Variants in TNFRSF19 observed in about 807,000 individuals in gnomAD.
TNFRSF19 encodes tumor necrosis factor receptor superfamily member 19.
TNFRSF19 carries 27 observed loss-of-function variants against 46.4 expected under a neutral mutation model. The observed-to-expected ratio is 0.58, with a 90% confidence interval of 0.43 to 0.80. TNFRSF19 has a LOEUF of 0.80. Ranked by LOEUF, TNFRSF19 falls within the 30% of genes least tolerant of loss-of-function variation. The pLI is 0.00. For synonymous variants in TNFRSF19, 204 were observed against 205.0 expected (o/e 1.00, Z 0.04); for missense variants, 511 against 530.8 (o/e 0.96, Z 0.37).
rs141714394 is a variant in TNFRSF19 at position 23,669,075 on chromosome 13, C to T, written c.1223C>T (p.Pro408Leu). The change falls in exon 9 of 10, where the codon CCA becomes CTA. Residue 408 changes from proline to leucine, a missense_variant. By Grantham distance (98) the Pro-to-Leu change is moderately conservative. Around this residue, in one of 3 missense-constraint regions of TNFRSF19, gnomAD observed 376 missense variants for 372.7 expected, o/e 1.01. Transcript: ENST00000248484. ...CAGGAGAGTGGTGCTGTCATCCACC[C>T]AGCCACTCAGACGTCCCTCCAGGTA... ...LDQESGAVIH[P>L]ATQTSLQEA The T allele has an allele frequency of 1.5e-4, 248 of 1,614,106 alleles. No individual in the cohort carries two copies. The African/African-American group carries it at 2.9e-3, about 19-fold the overall frequency.
chr13:23,648,713 G>A (rs1027194833), intron 5 of TNFRSF19, among the ~76,000 whole-genome samples: 1 of 152,172 alleles, frequency 6.6e-6, no homozygotes, highest in Admixed American at 6.5e-5. Context: ...TGAATATGAT[G>A]TTAGCTGTGA....
chr13:23,638,768 C>T (rs1389754451), intron 5 of TNFRSF19, among the ~76,000 whole-genome samples: 3 of 152,178 alleles, frequency 2.0e-5, no homozygotes, highest in African/African-American at 7.2e-5. Context: ...CCCCGTGCCT[C>T]TGAACCATCC....
chr13:23,652,543 G>C (rs993737), intron 5 of TNFRSF19, among the ~76,000 whole-genome samples: 34,991 of 152,152 alleles, frequency 0.23, 4,807 homozygotes, highest in Non-Finnish European at 0.31. Context: ...TCATTCCAAG[G>C]ATGTGGTCAA....
chr13:23,581,445 C>A (rs1223977793), intron 1 of TNFRSF19, among the ~76,000 whole-genome samples: 1 of 150,568 alleles, frequency 6.6e-6, no homozygotes, highest in African/African-American at 2.4e-5. Flanking sequence ...CGCGCCCGGC[C>A]GTCGATGTGC....
At chr13:23,668,182 C>G in intron 8 of TNFRSF19, 100 bp downstream of exon 8, 1 of 1,080,012 alleles carries the variant, frequency 9.3e-7, no homozygotes, top group African/African-American at 1.6e-5. Context: ...AACATCACCT[C>G]TTAAATATTA....
intron 5 of TNFRSF19, among the ~76,000 whole-genome samples, chr13:23,646,023 T>C (rs781673632): frequency 6.6e-6 from 1 of 152,152 alleles, no homozygotes; most frequent in Non-Finnish European, 1.5e-5. Context: ...TCACAATCCA[T>C]CAGTGTATCC....
chr13:23,598,374 T>C (rs763780585), intron 3 of TNFRSF19, among the ~76,000 whole-genome samples: 2 of 152,128 alleles, frequency 1.3e-5, no homozygotes, highest in African/African-American at 2.4e-5. Flanking sequence ...TCCCAGAACT[T>C]ACAGTTATAT....
At chr13:23,593,621 T>C (rs1422135306) in intron 3 of TNFRSF19, among the ~76,000 whole-genome samples, 166 bp downstream of exon 3, 1 of 152,232 alleles carries the variant, frequency 6.6e-6, no homozygotes, top group Non-Finnish European at 1.5e-5. Context: ...TTTAATACTT[T>C]TGATTCATGT....
At chr13:23,654,084 G>A (rs1883823391) in intron 5 of TNFRSF19, among the ~76,000 whole-genome samples, 1 of 152,232 alleles carries the variant, frequency 6.6e-6, no homozygotes, top group Non-Finnish European at 1.5e-5. Context: ...AAAGTGGCAA[G>A]AGCCAGGTTT....
At chr13:23,599,795 C>T (rs1301705049) in intron 3 of TNFRSF19, among the ~76,000 whole-genome samples, 1 of 152,014 alleles carries the variant, frequency 6.6e-6, no homozygotes, top group African/African-American at 2.4e-5. Flanking sequence ...TCAGTAATTC[C>T]GGAAGGGAGG....
intron 1 of TNFRSF19, among the ~76,000 whole-genome samples, chr13:23,582,890 T>A (rs1160939375): frequency 2.0e-5 from 3 of 152,244 alleles, no homozygotes; most frequent in African/African-American, 7.2e-5. Flanking sequence ...TTATTACAGG[T>A]ATCAAAAGTT....
At chr13:23,578,786 C>T (rs999527085) in intron 1 of TNFRSF19, among the ~76,000 whole-genome samples, 1 of 152,260 alleles carries the variant, frequency 6.6e-6, no homozygotes, top group Non-Finnish European at 1.5e-5. Context: ...CTCGCACGCG[C>T]TGGTGCTACA....
Position 23,614,746 on chromosome 13 carries a change from CATATAT to C in TNFRSF19, c.181-1103_181-1098del, listed in dbSNP as rs59117822. On this transcript the variant is annotated intron_variant, in intron 3 of 9. Transcript: ENST00000248484. ...AGCCGCTTCCTGTGGATAAGTAATA[CATATAT>C]ATATATATATATATATAGTACCTGG... Among the ~76,000 whole-genome samples, 42 of 134,906 alleles carry C rather than the reference CATATAT, an allele frequency of 3.1e-4. 2 individuals carry two copies. The highest frequency in any genetic ancestry group is 8.7e-4 in the African/African-American group (31 of 35,594). The allele number at this position is 134,906 out of a possible 152,430, so 88.5% of individuals were successfully genotyped here. A position where few individuals can be genotyped will look rare whatever the true frequency, so the allele number is the denominator to read the frequency against.
intron 3 of TNFRSF19, among the ~76,000 whole-genome samples, chr13:23,597,486 A>G (rs898647155): frequency 6.6e-6 from 1 of 152,218 alleles, no homozygotes; most frequent in Admixed American, 6.5e-5. Flanking sequence ...CAAATAAATT[A>G]GAAAATCTAG....
At chr13:23,598,329 A>C (rs1879885649) in intron 3 of TNFRSF19, among the ~76,000 whole-genome samples, 1 of 152,194 alleles carries the variant, frequency 6.6e-6, no homozygotes, top group Non-Finnish European at 1.5e-5. Flanking sequence ...GCACATTTAT[A>C]CCTATGTAAC....
chr13:23,663,696 C>T (rs9510799), intron 7 of TNFRSF19, among the ~76,000 whole-genome samples: 123,918 of 151,984 alleles, frequency 0.82, 51,202 homozygotes, highest in Admixed American at 0.89. Flanking sequence ...AGCTCATTTT[C>T]GTTCTGTTCA....
chr13:23,609,543 G>A (rs868230110), intron 3 of TNFRSF19, among the ~76,000 whole-genome samples: 1 of 152,158 alleles, frequency 6.6e-6, no homozygotes, highest in Non-Finnish European at 1.5e-5. Flanking sequence ...CCTCGCAGCA[G>A]TAAATCAGGA....
chr13:23,625,388 G>A (rs1881934237), intron 4 of TNFRSF19, among the ~76,000 whole-genome samples: 2 of 147,076 alleles, frequency 1.4e-5, no homozygotes, highest in South Asian at 2.2e-4. Flanking sequence ...GAGTGCAGTG[G>A]CGCTATCTCA....
At chr13:23,581,579 A>G (rs117008817) in intron 1 of TNFRSF19, among the ~76,000 whole-genome samples, 2,311 of 152,242 alleles carry the variant, frequency 0.015, 28 homozygotes, top group Non-Finnish European at 0.025. Context: ...TTTTACATAT[A>G]TTTTATAATG....
Sources: gnomAD v4.1 joint callset for allele counts (sites outside exome capture counted in the v4.1 genomes callset) on GRCh38, gnomAD v4.1.1 for gene constraint, gnomAD v4.1.1 regional missense constraint, MANE v1.5 for transcripts, NCBI Gene and HGNC (gene_info 2026-07-23, HGNC 2026-07-21) for gene names.